The following PALS2 variants were observed in gnomAD, a reference collection of about 807,000 sequenced individuals.
The protein encoded by PALS2 is protein PALS2.
PALS2 carries 27 observed loss-of-function variants against 61.6 expected under a neutral mutation model. The ratio of observed to expected loss-of-function variants is 0.44; its 90% CI spans 0.32 to 0.60. PALS2 has a LOEUF of 0.60. Among genes scored for constraint, PALS2 ranks in the 20% least tolerant of loss-of-function variants. The probability of loss-of-function intolerance (pLI) is 0.05; values close to 1 mark genes in which losing one functional copy is unlikely to be tolerated. For synonymous variants in PALS2, 236 were observed against 218.6 expected (o/e 1.08, Z -0.70); for missense variants, 554 against 639.4 (o/e 0.87, Z 1.44).
intron 7 of PALS2, 114 bp downstream of exon 7, chr7:24,665,801 C>G: frequency 2.9e-6 from 3 of 1,023,352 alleles, no homozygotes; most frequent in Non-Finnish European, 4.3e-6. Context: ...ATGAATCCCT[C>G]CCTCTGCTTT....
At position 24,588,340 on chromosome 7, in the gene PALS2, A is replaced by G. The variant is rs188847388; in HGVS notation, c.-3+14747A>G. On this transcript the variant is annotated intron_variant, in intron 1 of 11. Transcript: ENST00000222644. ...TATCTTAGACATTTCAATTAGACAA[A>G]TATTTCTAAATATTTCTACCCATCT... 3.6e-4 allele frequency among the ~76,000 whole-genome samples: 55 copies of G among 152,258 alleles called. 1 individual carries two copies. The highest frequency in any genetic ancestry group is 3.4e-3 in the Middle Eastern group (1 of 294).
intron 11 of PALS2, among the ~76,000 whole-genome samples, chr7:24,682,241 C>G (rs1020030440): frequency 1.3e-5 from 2 of 151,900 alleles, no homozygotes; most frequent in African/African-American, 4.9e-5. Flanking sequence ...ATTTTCTGTT[C>G]TGGCTAAGGG....
In PALS2 at chr7:24,641,656, C is replaced by T. The variant is rs1367363134; in HGVS notation, c.118-60C>T. ...AAAACTTTACGAAAAAGAAATAAAC[C>T]ATGGTCTGGTGCAAATAACAAATAA... On this transcript the variant is annotated intron_variant, in intron 2 of 11. Transcript: ENST00000222644. The T allele has an allele frequency of 2.2e-6, 3 of 1,380,512 alleles. No individual in the cohort carries two copies. The African/African-American group carries it at 4.4e-5, about 20-fold the overall frequency. 85.5% of individuals were successfully genotyped at this position (1,380,512 alleles called of 1,614,324 possible).
At chr7:24,578,250 T>C (rs911604006) in intron 1 of PALS2, among the ~76,000 whole-genome samples, 1 of 152,232 alleles carries the variant, frequency 6.6e-6, no homozygotes, top group Admixed American at 6.5e-5. Flanking sequence ...CACACCCTGC[T>C]GATCTTGTCT....
In PALS2 at chr7:24,679,297, A is replaced by T. The variant is rs771751241; in HGVS notation, c.1281A>T (p.Gln427His). The part of the protein sequence containing the change: ...TKIDSILEVV[Q>H]TGRTCILDVN... ...TTGATTCTATTCTTGAGGTTGTCCA[A>T]ACTGGACGGACTTGCATTCTGGATG... Residue 427 changes from glutamine (Q) to histidine (H), a missense_variant, in exon 10 of 12, where the codon CAA (glutamine) becomes CAT (histidine). By Grantham distance (24) the Gln-to-His change is conservative (BLOSUM62 0). Transcript: ENST00000222644. 2 of 1,614,056 alleles carry T rather than the reference A, an allele frequency of 1.2e-6. No homozygotes were observed. The highest frequency in any genetic ancestry group is 4.5e-5 in the East Asian group (2 of 44,874).
At chr7:24,676,752 A>G (rs1255000429) in intron 9 of PALS2, among the ~76,000 whole-genome samples, 4 of 151,124 alleles carry the variant, frequency 2.6e-5, no homozygotes, top group African/African-American at 9.9e-5. Flanking sequence ...TTTTGGTACC[A>G]GTCCCATGCT....
intron 9 of PALS2, among the ~76,000 whole-genome samples, chr7:24,670,229 C>T (rs2128090134): frequency 6.6e-6 from 1 of 152,230 alleles, no homozygotes; most frequent in South Asian, 2.1e-4. Flanking sequence ...ACCCAGGAAT[C>T]TCTGGAGTTC....
chr7:24,676,857 A>C (rs577188357), intron 9 of PALS2, among the ~76,000 whole-genome samples: 2 of 151,086 alleles, frequency 1.3e-5, no homozygotes, highest in African/African-American at 4.9e-5. Flanking sequence ...TTGGTGATGC[A>C]GGCTCTCTTT....
chr7:24,642,640 G>A (rs1306661981), intron 3 of PALS2, among the ~76,000 whole-genome samples: 2 of 152,136 alleles, frequency 1.3e-5, no homozygotes, highest in Non-Finnish European at 2.9e-5. Flanking sequence ...TCTTAGCACT[G>A]AAAATCAAAT....
chr7:24,644,426 A>G (rs1785727356), intron 3 of PALS2, among the ~76,000 whole-genome samples: 1 of 152,202 alleles, frequency 6.6e-6, no homozygotes, highest in South Asian at 2.1e-4. Context: ...TGTTGCCACA[A>G]AAGACATGAT....
chr7:24,580,646 G>A (rs537935954), intron 1 of PALS2, among the ~76,000 whole-genome samples: 1 of 152,254 alleles, frequency 6.6e-6, no homozygotes, highest in East Asian at 1.9e-4. Context: ...TTTCAGTACA[G>A]AACAAATTAT....
At position 24,691,205 on chromosome 7, in the gene PALS2, A is replaced by C. The variant is rs1410866203; in HGVS notation, c.*3591A>C. The C allele has an allele frequency of 6.6e-6, 1 of 151,846 alleles. No homozygotes were observed. Among genetic ancestry groups the C allele is most frequent in the African/African-American group, 2.4e-5 (1 of 41,394 alleles). 9.4% of individuals were successfully genotyped at this position (151,846 alleles called of 1,614,324 possible). Reference sequence around the variant, plus strand: ...AATTTTGAAAATTGCTCAAAATAATAATCTACTTAAATTTTACTTTTGTAA... The same window carrying C: ...AATTTTGAAAATTGCTCAAAATAATCATCTACTTAAATTTTACTTTTGTAA... On this transcript the variant is annotated 3_prime_UTR_variant, in exon 12 of 12. Transcript: ENST00000222644.
At chr7:24,682,972 C>G (rs1788011391) in intron 11 of PALS2, among the ~76,000 whole-genome samples, 1 of 152,012 alleles carries the variant, frequency 6.6e-6, no homozygotes, top group Admixed American at 6.6e-5. Flanking sequence ...TTGGTTTTTG[C>G]AAGAATAATT....
chr7:24,574,114 C>T (rs979349020), intron 1 of PALS2: 3 of 152,272 alleles, frequency 2.0e-5, no homozygotes, highest in Non-Finnish European at 4.4e-5. Context: ...TCCGCCGGCT[C>T]CCGGTTCTCT....
chr7:24,604,219 GAAAAA>G (rs58169190), intron 1 of PALS2, among the ~76,000 whole-genome samples: 34 of 86,146 alleles, frequency 3.9e-4, no homozygotes, highest in Admixed American at 1.3e-4. Context: ...TTCAAGAAAA[GAAAAA>G]AAAAAAAAAA....
chr7:24,635,257 T>G (rs745743637), intron 2 of PALS2, among the ~76,000 whole-genome samples: 27 of 152,322 alleles, frequency 1.8e-4, no homozygotes, highest in Non-Finnish European at 3.1e-4. Flanking sequence ...AGAGTATAAA[T>G]TTTGCACTTG....
chr7:24,656,024 A>C (rs1470798323), intron 5 of PALS2, among the ~76,000 whole-genome samples: 1 of 152,142 alleles, frequency 6.6e-6, no homozygotes, highest in Non-Finnish European at 1.5e-5. Flanking sequence ...CGTACACTGA[A>C]AATTTTTAGA....
chr7:24,652,482 A>G (rs2128079618), intron 5 of PALS2, among the ~76,000 whole-genome samples: 1 of 152,260 alleles, frequency 6.6e-6, no homozygotes, highest in South Asian at 2.1e-4. Flanking sequence ...GAATTCAAGT[A>G]GGAGAGGAGG....
chr7:24,585,816 A>T (rs1783043452), intron 1 of PALS2, among the ~76,000 whole-genome samples: 1 of 152,162 alleles, frequency 6.6e-6, no homozygotes, highest in Non-Finnish European at 1.5e-5. Context: ...CTCCTGCCTC[A>T]GCCTCCCAAG....
Sources: gnomAD v4.1 joint callset for allele counts (sites outside exome capture counted in the v4.1 genomes callset) on GRCh38, gnomAD v4.1.1 for gene constraint, MANE v1.5 for transcripts, NCBI Gene and HGNC (gene_info 2026-07-23, HGNC 2026-07-21) for gene names.